The following P4HA1 variants were observed in gnomAD, a reference collection of about 807,000 sequenced individuals.
P4HA1 encodes prolyl 4-hydroxylase subunit alpha-1.
In P4HA1, 24 loss-of-function variants were observed where a neutral mutation model predicts 72.8. The ratio of observed to expected loss-of-function variants is 0.33; its 90% CI spans 0.24 to 0.46. The LOEUF is 0.46. P4HA1 is among the 20% of genes least tolerant of loss of function. The pLI is 1.00. For synonymous variants in P4HA1, 201 were observed against 218.8 expected (o/e 0.92, Z 0.72); for missense variants, 446 against 640.6 (o/e 0.70, Z 3.28).
intron 5 of P4HA1, among the ~76,000 whole-genome samples, chr10:73,057,659 G>T (rs1841183113): frequency 6.6e-6 from 1 of 152,124 alleles, no homozygotes; most frequent in Non-Finnish European, 1.5e-5. Context: ...TCAGATTCAG[G>T]AAACAAAGAA....
chr10:73,075,945 T>G (rs1003707705), intron 1 of P4HA1, among the ~76,000 whole-genome samples: 21 of 152,148 alleles, frequency 1.4e-4, no homozygotes, highest in African/African-American at 4.6e-4. Context: ...CAATAAAATG[T>G]TCTAAAATTG....
At chr10:73,033,959 T>C (rs976604735) in intron 9 of P4HA1, among the ~76,000 whole-genome samples, 4 of 152,190 alleles carry the variant, frequency 2.6e-5, no homozygotes, top group Non-Finnish European at 5.9e-5. Context: ...GTCTCAAATC[T>C]GTAATCCCAG....
At chr10:73,025,143 A>G (rs1840235015) in intron 10 of P4HA1, among the ~76,000 whole-genome samples, 1 of 152,216 alleles carries the variant, frequency 6.6e-6, no homozygotes, top group Admixed American at 6.5e-5. Flanking sequence ...TGAGGCCAGT[A>G]TCATCCTGAT....
chr10:73,047,869 A>G (rs1485619993), intron 7 of P4HA1, among the ~76,000 whole-genome samples: 2 of 152,124 alleles, frequency 1.3e-5, no homozygotes, highest in Admixed American at 6.5e-5. Context: ...TAGGTCACAC[A>G]GCGAAATCTC....
rs781544054 is a variant in P4HA1, at chr10:73,051,108, T to C, written c.845A>G (p.Tyr282Cys). The change falls in exon 7 of 15, where the codon TAC becomes TGC. Residue 282 changes from tyrosine to cysteine, a missense_variant. Tyr to Cys is a radical substitution (Grantham distance 194). Coordinates refer to ENST00000394890, the MANE Select transcript of P4HA1 (RefSeq NM_001017962.3). ...TTCGTACTTCTGTCTCTCTGGCAGG[T>C]AATCCACAGCAACCCCTTTTTTCTT... ...TPKKKGVAVD[Y>C]LPERQKYEML... 2 of 1,614,174 alleles carry C rather than the reference T, an allele frequency of 1.2e-6. No individual in the cohort carries two copies. The highest frequency in any genetic ancestry group is 2.2e-5 in the South Asian group (2 of 91,086).
rs939876630 is a variant in P4HA1, at chr10:73,071,991, G to A, written c.325+38C>T. ...TAATTTTATTATTTCTACATATGGT[G>A]GCAATATTACCTTACTCAGGAATCT... On this transcript the variant is annotated intron_variant, in intron 4 of 14. Coordinates refer to ENST00000394890, the MANE Select transcript of P4HA1 (RefSeq NM_001017962.3). 18 of 1,478,690 alleles carry A rather than the reference G, an allele frequency of 1.2e-5. No homozygotes were observed. The Admixed American group carries it at 2.2e-4, about 18-fold the overall frequency. 91.6% of individuals were successfully genotyped at this position (1,478,690 alleles called of 1,614,324 possible).
intron 9 of P4HA1, among the ~76,000 whole-genome samples, chr10:73,037,546 TA>T (rs1564624818): frequency 1.8e-4 from 5 of 27,266 alleles, no homozygotes; most frequent in South Asian, 1.2e-3. Context: ...TATATATATA[TA>T]TATATATATA....
chr10:73,053,478 C>T lies in P4HA1; in HGVS notation c.576G>A (p.Arg192=), dbSNP rs1170335093. ...TAGAAATCTCGCCTTCATCCAGTTG[C>T]CTTAGGGCTTGTTCCATCCACAGTT... is the stretch of plus-strand genomic sequence containing the variant. ...HTELWMEQAL[R]QLDEGEISTI... The change falls in exon 6 of 15, where the codon AGG becomes AGA. Residue 192 remains arginine (R), a synonymous_variant. Transcript: ENST00000394890. 5 of 1,614,084 alleles carry T rather than the reference C, an allele frequency of 3.1e-6. No individual in the cohort carries two copies. The highest frequency in any genetic ancestry group is 4.2e-6 in the Non-Finnish European group (5 of 1,179,988).
At chr10:73,045,551 A>G (rs949792070) in intron 8 of P4HA1, among the ~76,000 whole-genome samples, 3 of 151,986 alleles carry the variant, frequency 2.0e-5, no homozygotes, top group African/African-American at 7.3e-5. Context: ...CAAGATAGCC[A>G]CTCTCATTAA....
intron 1 of P4HA1, among the ~76,000 whole-genome samples, chr10:73,078,509 T>G (rs1841751656): frequency 6.6e-6 from 1 of 151,614 alleles, no homozygotes; most frequent in African/African-American, 2.4e-5. Flanking sequence ...GAAGAAAAAT[T>G]AACATCATAA....
intron 10 of P4HA1, among the ~76,000 whole-genome samples, chr10:73,025,324 A>G (rs552663277): frequency 2.0e-5 from 3 of 152,340 alleles, no homozygotes; most frequent in East Asian, 3.9e-4. Flanking sequence ...ACACAAATCA[A>G]TAAACGTAAT....
chr10:73,051,537 A>G (rs1001508120), intron 6 of P4HA1, among the ~76,000 whole-genome samples: 2 of 152,140 alleles, frequency 1.3e-5, no homozygotes, highest in African/African-American at 4.8e-5. Flanking sequence ...AGGTGGGTGG[A>G]TCACCTCAGG....
chr10:73,033,185 TTGA>T (rs1474215755), intron 9 of P4HA1, among the ~76,000 whole-genome samples: 2 of 152,204 alleles, frequency 1.3e-5, no homozygotes, highest in Admixed American at 6.5e-5. Context: ...AACTACTGAC[TTGA>T]TTTTTACAGG....
chr10:73,061,822 C>G (rs965510919), intron 5 of P4HA1, among the ~76,000 whole-genome samples: 3 of 151,882 alleles, frequency 2.0e-5, no homozygotes, highest in Non-Finnish European at 2.9e-5. Context: ...AATTCAAGAC[C>G]AGACTGGGCA....
intron 5 of P4HA1, among the ~76,000 whole-genome samples, chr10:73,053,968 A>G (rs1345704150): frequency 6.6e-6 from 1 of 151,730 alleles, no homozygotes; most frequent in East Asian, 1.9e-4. Flanking sequence ...CCAGGCTGGA[A>G]TGCAATGGCA....
intron 10 of P4HA1, among the ~76,000 whole-genome samples, chr10:73,029,628 T>C (rs968605441): frequency 6.7e-6 from 1 of 149,814 alleles, no homozygotes; most frequent in Admixed American, 6.6e-5. Flanking sequence ...CTCTGGTTTA[T>C]AGGCCTATGC....
intron 6 of P4HA1, among the ~76,000 whole-genome samples, chr10:73,052,884 C>T (rs983767051): frequency 3.9e-5 from 6 of 152,164 alleles, no homozygotes; most frequent in African/African-American, 1.4e-4. Context: ...TTGGGCCATA[C>T]TTGAAGAAAC....
intron 7 of P4HA1, among the ~76,000 whole-genome samples, chr10:73,049,069 A>G (rs547032979): frequency 6.6e-6 from 1 of 152,078 alleles, no homozygotes; most frequent in South Asian, 2.1e-4. Context: ...AGGGGCCGAA[A>G]TGGCGCCACT....
chr10:73,074,060 CT>C (rs1203728341), intron 2 of P4HA1: 4 of 497,532 alleles, frequency 8.0e-6, no homozygotes, highest in Non-Finnish European at 1.1e-5. Context: ...AAGCTTTAGA[CT>C]GTGCTAGCAA....
Sources: gnomAD v4.1 joint callset for allele counts (sites outside exome capture counted in the v4.1 genomes callset) on GRCh38, gnomAD v4.1.1 for gene constraint, MANE v1.5 for transcripts, NCBI Gene and HGNC (gene_info 2026-07-23, HGNC 2026-07-21) for gene names.